The following LRRC20 variants were observed in gnomAD, a reference collection of about 807,000 sequenced individuals.
LRRC20 encodes leucine rich repeat containing 20, also known as leucine-rich repeat-containing protein 20.
In LRRC20, 11 loss-of-function variants were observed where a neutral mutation model predicts 14.4. The ratio of observed to expected loss-of-function variants is 0.77; its 90% CI spans 0.48 to 1.27. The LOEUF (loss-of-function observed/expected upper bound fraction) is 1.27, where lower values mean the gene tolerates loss of function less well. Ranked by LOEUF, LRRC20 falls within the 50% of genes most tolerant of loss-of-function variation. The pLI, the probability that LRRC20 is intolerant of heterozygous loss-of-function variation, is 0.00. For synonymous variants in LRRC20, 121 were observed against 107.3 expected (o/e 1.13, Z -0.79); for missense variants, 219 against 251.2 (o/e 0.87, Z 0.87).
chr10:70,368,002 G>GTTATGTTATGTTATGTTATGTTATGCT (rs1279721419), intron 2 of LRRC20, among the ~76,000 whole-genome samples: 2 of 149,632 alleles, frequency 1.3e-5, no homozygotes, highest in African/African-American at 2.5e-5. Context: ...GTTATTTTTT[G>GTTATGTTATGTTATGTTATGTTATGCT]AGATGGAGTC....
intron 2 of LRRC20, among the ~76,000 whole-genome samples, chr10:70,364,746 G>A (rs902325494): frequency 7.2e-5 from 11 of 152,142 alleles, no homozygotes; most frequent in Admixed American, 1.3e-4. Flanking sequence ...GGCCCGGGAG[G>A]GACGAAAGGT....
At chr10:70,365,053 C>CTTTTTTT (rs10581759) in intron 2 of LRRC20, among the ~76,000 whole-genome samples, 1 of 71,430 alleles carries the variant, frequency 1.4e-5, no homozygotes, top group African/African-American at 5.2e-5. Flanking sequence ...TGAGATTCAA[C>CTTTTTTT]TTTTTTTTTT....
chr10:70,347,214 A>G (rs1416786939), intron 2 of LRRC20, among the ~76,000 whole-genome samples: 1 of 152,340 alleles, frequency 6.6e-6, no homozygotes, highest in East Asian at 1.9e-4. Flanking sequence ...GAGGGCAGCC[A>G]GCTCTTCGTC....
intron 2 of LRRC20, among the ~76,000 whole-genome samples, chr10:70,347,216 C>T (rs1843104531): frequency 6.6e-6 from 1 of 152,124 alleles, no homozygotes; most frequent in South Asian, 2.1e-4. Flanking sequence ...GGGCAGCCAG[C>T]TCTTCGTCAG....
intron 3 of LRRC20, among the ~76,000 whole-genome samples, chr10:70,332,597 T>C (rs149709862): frequency 0.016 from 2,467 of 152,280 alleles, 88 homozygotes; most frequent in African/African-American, 0.057. Flanking sequence ...TGAGCCGAGA[T>C]TGCACCACTG....
Position 70,311,222 on chromosome 10 carries a change from ATTT to A in LRRC20, c.401-9717_401-9715del, listed in dbSNP as rs11314061. On this transcript the variant is annotated intron_variant, in intron 4 of 4. Coordinates refer to ENST00000446961, the MANE Select transcript of LRRC20 (RefSeq NM_001278212.2). ...ACATCCAGGTTGTTTTCAACATTCCATTTTTTTTTTTTTTTTTTTTTTTTGAGA... is the reference window on the plus strand; with the variant it reads ...ACATCCAGGTTGTTTTCAACATTCCATTTTTTTTTTTTTTTTTTTTTGAGA... Among the ~76,000 whole-genome samples, 16 of 86,328 alleles carry A rather than the reference ATTT, an allele frequency of 1.9e-4. No individual in the cohort carries two copies. In the South Asian group the frequency reaches 2.7e-3, roughly 15 times the overall value. 56.6% of individuals were successfully genotyped at this position (86,328 alleles called of 152,430 possible).
chr10:70,325,432 G>A (rs1161134308), intron 3 of LRRC20, among the ~76,000 whole-genome samples: 1 of 152,122 alleles, frequency 6.6e-6, no homozygotes, highest in Admixed American at 6.5e-5. Context: ...GGCAGGGAGG[G>A]TCAGAATCAG....
intron 4 of LRRC20, among the ~76,000 whole-genome samples, chr10:70,305,593 T>G (rs538611354): frequency 6.6e-6 from 1 of 152,312 alleles, no homozygotes; most frequent in South Asian, 2.1e-4. Context: ...AAGTCTTAAA[T>G]TTTTTTACTC....
chr10:70,304,470 T>TTATATATATATATATATATATATATA (rs57284629), intron 4 of LRRC20, among the ~76,000 whole-genome samples: 36 of 113,812 alleles, frequency 3.2e-4, no homozygotes, highest in Non-Finnish European at 5.2e-4. Flanking sequence ...GGCCACTTCT[T>TTATATATATATATATATATATATATA]TATATATATA....
At chr10:70,376,988 C>A in intron 1 of LRRC20, among the ~76,000 whole-genome samples, 1 of 152,240 alleles carries the variant, frequency 6.6e-6, no homozygotes, top group East Asian at 1.9e-4. Flanking sequence ...ACACCTGTCC[C>A]TCCATCCCAC....
intron 2 of LRRC20, among the ~76,000 whole-genome samples, chr10:70,358,667 T>A (rs1589113019): frequency 6.6e-6 from 1 of 152,222 alleles, no homozygotes; most frequent in Non-Finnish European, 1.5e-5. Flanking sequence ...CCATGCTGAC[T>A]GGCTACCGCA....
At position 70,365,347 on chromosome 10, in the gene LRRC20, C is replaced by T. The variant is rs555988936; in HGVS notation, c.82+11105G>A. On this transcript the variant is annotated intron_variant, in intron 2 of 4. Coordinates refer to ENST00000446961, the MANE Select transcript of LRRC20 (RefSeq NM_001278212.2). ...TTCTGGGATTACAGGCGCGAGCCAC[C>T]GCGCCCGGCGAGATTCAACTTTTAA... Among the ~76,000 whole-genome samples the T allele has an allele frequency of 5.3e-5, 8 of 152,290 alleles. No homozygotes were observed. The South Asian group carries it at 6.2e-4, about 12-fold the overall frequency.
chr10:70,376,076 C>T (rs1047041668), intron 2 of LRRC20, among the ~76,000 whole-genome samples: 1 of 152,176 alleles, frequency 6.6e-6, no homozygotes, highest in Non-Finnish European at 1.5e-5. Flanking sequence ...GCTTCATTCA[C>T]CCCAGGGAGC....
chr10:70,354,858 AGGCCGCCCTG>A (rs1357385102), intron 2 of LRRC20, among the ~76,000 whole-genome samples: 1 of 152,098 alleles, frequency 6.6e-6, no homozygotes, highest in Non-Finnish European at 1.5e-5. Context: ...CTCGGTGTGG[AGGCCGCCCTG>A]GGCTGTAACT....
At chr10:70,333,161 G>A (rs919983047) in intron 3 of LRRC20, among the ~76,000 whole-genome samples, 1 of 152,194 alleles carries the variant, frequency 6.6e-6, no homozygotes, top group Admixed American at 6.5e-5. Flanking sequence ...CTGCCTTACA[G>A]GGTTGCAAGA....
chr10:70,343,424 A>C (rs1842981404), intron 2 of LRRC20, among the ~76,000 whole-genome samples: 1 of 152,178 alleles, frequency 6.6e-6, no homozygotes, highest in Admixed American at 6.5e-5. Context: ...CAGGCAGCCT[A>C]TAAGGGGTGT....
At chr10:70,315,287 T>A (rs1445181633) in intron 4 of LRRC20, among the ~76,000 whole-genome samples, 1 of 152,164 alleles carries the variant, frequency 6.6e-6, no homozygotes, top group African/African-American at 2.4e-5. Flanking sequence ...AATCACTTAG[T>A]TAAAAACAGC....
intron 1 of LRRC20, among the ~76,000 whole-genome samples, chr10:70,378,602 C>T (rs922618534): frequency 9.2e-5 from 14 of 151,820 alleles, no homozygotes; most frequent in South Asian, 4.2e-4. Context: ...GCCTGGCCAA[C>T]GTGGTAAAAC....
At chr10:70,316,935 C>T (rs930787421) in intron 4 of LRRC20, among the ~76,000 whole-genome samples, 3 of 152,242 alleles carry the variant, frequency 2.0e-5, no homozygotes, top group Admixed American at 6.5e-5. Flanking sequence ...AAGAAGCTAC[C>T]ACCTCGGAGG....
Sources: allele counts gnomAD v4.1 joint callset (sites outside exome capture counted in the v4.1 genomes callset), GRCh38; gene constraint gnomAD v4.1.1; transcripts MANE v1.5; gene names NCBI Gene and HGNC (gene_info 2026-07-23, HGNC 2026-07-21).